POM121C: variants seen among roughly 807,000 people sequenced by gnomAD.
The protein encoded by POM121C is POM121 transmembrane nucleoporin C.
POM121C carries 20 observed loss-of-function variants against 66.4 expected under a neutral mutation model. The observed-to-expected ratio is 0.30, with a 90% CI of 0.21 to 0.44. The LOEUF (loss-of-function observed/expected upper bound fraction) is 0.44. Among genes scored for constraint, POM121C ranks in the 20% least tolerant of loss-of-function variants. The pLI is 1.00. For synonymous variants in POM121C, 286 were observed against 528.0 expected (o/e 0.54, Z 6.28); for missense variants, 580 against 1,225.7 (o/e 0.47, Z 7.87).
chr7:75,426,576 TG>T (rs1172841184), intron 7 of POM121C, 123 bp from the exon 8 acceptor site: 1 of 98,702 alleles, frequency 1.0e-5, no homozygotes, highest in Non-Finnish European at 1.9e-5. Context: ...TAGTCATGCC[TG>T]TAATCCCAGC....
At chr7:75,420,221 A>G (rs1789640743) in intron 13 of POM121C, 1 of 149,456 alleles carries the variant, frequency 6.7e-6, no homozygotes, top group Non-Finnish European at 1.5e-5. Flanking sequence ...TGCCACCCCC[A>G]TGACCTCCTC....
At chr7:75,441,315 C>G (rs1447639744) in intron 4 of POM121C, 117 bp downstream of exon 4, 1 of 1,392,490 alleles carries the variant, frequency 7.2e-7, no homozygotes, top group African/African-American at 1.5e-5. Flanking sequence ...ATTTCTCATT[C>G]AAACAAGCAG....
chr7:75,460,145 T>C lies in POM121C; in HGVS notation c.-152+14559A>G, dbSNP rs1479093092. The stretch of plus-strand genomic sequence containing the variant: ...TAATAAAAACCCGTCCAAAATTAAA[T>C]ATAAATCTTCTAAACACAGCAATCA... On this transcript the variant is annotated intron_variant, in intron 3 of 14. Coordinates refer to ENST00000615331, the MANE Select transcript of POM121C (RefSeq NM_001099415.3). 3.5e-5 allele frequency among the ~76,000 whole-genome samples: 5 copies of C among 144,814 alleles called. No homozygotes were observed. The East Asian group carries it at 1.0e-3, about 29-fold the overall frequency.
chr7:75,482,046 C>T (rs1367655730), intron 1 of POM121C, among the ~76,000 whole-genome samples: 1 of 151,694 alleles, frequency 6.6e-6, no homozygotes, highest in Admixed American at 6.6e-5. Flanking sequence ...GAACATAAAC[C>T]TGATTAGACT....
intron 7 of POM121C, among the ~76,000 whole-genome samples, chr7:75,433,604 C>T (rs587767827): frequency 1.3e-5 from 2 of 152,226 alleles, no homozygotes; most frequent in South Asian, 4.1e-4. Flanking sequence ...GGTGATCTGC[C>T]CACCTCAGTC....
At chr7:75,429,525 G>C (rs1320989040) in intron 7 of POM121C, among the ~76,000 whole-genome samples, 1 of 152,192 alleles carries the variant, frequency 6.6e-6, no homozygotes, top group African/African-American at 2.4e-5. Flanking sequence ...CGGCTACTTG[G>C]AACGCTGAGG....
intron 3 of POM121C, among the ~76,000 whole-genome samples, chr7:75,462,646 C>CAAA (rs1791484035): frequency 6.6e-6 from 1 of 151,976 alleles, no homozygotes. Flanking sequence ...CTGAGGGCTG[C>CAAA]CAAAAGAACT....
intron 3 of POM121C, among the ~76,000 whole-genome samples, chr7:75,462,490 A>G (rs1297095142): frequency 6.6e-6 from 1 of 151,896 alleles, no homozygotes; most frequent in African/African-American, 2.4e-5. Flanking sequence ...AAACTGGGTT[A>G]TTTTACTTGC....
chr7:75,473,700 T>C (rs1791959277), intron 3 of POM121C, among the ~76,000 whole-genome samples: 1 of 151,890 alleles, frequency 6.6e-6, no homozygotes, highest in African/African-American at 2.4e-5. Context: ...GTTTTTTTGT[T>C]TTTTTTGAGA....
At position 75,482,342 on chromosome 7, in the gene POM121C, A is replaced by G. The variant is rs375168511; in HGVS notation, c.-458+3522T>C. ...TGTAATCCTACCACTTTGGGAGGCTAAAGTGAAAGGACTGCTTGAGGCCAG... is the reference window on the plus strand; with the variant it reads ...TGTAATCCTACCACTTTGGGAGGCTGAAGTGAAAGGACTGCTTGAGGCCAG... On this transcript the variant is annotated intron_variant, in intron 1 of 14. Transcript: ENST00000615331. 2.6e-5 allele frequency among the ~76,000 whole-genome samples: 4 copies of G among 152,318 alleles called. No homozygotes were observed. The South Asian group carries it at 8.3e-4, about 32-fold the overall frequency.
chr7:75,439,353 G>T, intron 5 of POM121C, 129 bp from the exon 6 acceptor site: 1 of 1,352,722 alleles, frequency 7.4e-7, no homozygotes, highest in Non-Finnish European at 1.0e-6. Flanking sequence ...ACCAGAAAAT[G>T]GTTGTTTAAA....
chr7:75,463,180 C>T lies in POM121C; in HGVS notation c.-152+11524G>A, dbSNP rs587656482. Among the ~76,000 whole-genome samples the T allele has an allele frequency of 3.3e-4, 50 of 152,112 alleles. 1 individual carries two copies. In the South Asian group the frequency reaches 8.7e-3, roughly 26 times the overall value. On this transcript the variant is annotated intron_variant, in intron 3 of 14. Transcript: ENST00000615331. ...TCTACTAAAAAATACAAAAGTAAGC[C>T]GGGTGTGGTGGAAAATTAGCCAGGT...
At chr7:75,436,755 G>C (rs782395764) in intron 7 of POM121C, among the ~76,000 whole-genome samples, 1 of 152,060 alleles carries the variant, frequency 6.6e-6, no homozygotes, top group Non-Finnish European at 1.5e-5. Context: ...GTCTGCCCAA[G>C]ACCTTATAGC....
rs1273959098 is a variant in POM121C at position 75,441,996 on chromosome 7, G to A, written c.-151-349C>T. Reference sequence around the variant, plus strand: ...AAGCAAGAGTCAGAGGCCAGGAGACGGCTGGCACACACCAAGGTGTTAAGG... The same window carrying A: ...AAGCAAGAGTCAGAGGCCAGGAGACAGCTGGCACACACCAAGGTGTTAAGG... On this transcript the variant is annotated intron_variant, in intron 3 of 14. Coordinates refer to ENST00000615331, the MANE Select transcript of POM121C (RefSeq NM_001099415.3). 1.4e-5 allele frequency: 8 copies of A among 568,540 alleles called. No homozygotes were observed. In the Admixed American group the frequency reaches 2.4e-4, roughly 17 times the overall value. 35.2% of individuals were successfully genotyped at this position (568,540 alleles called of 1,614,324 possible). A position where few individuals can be genotyped will look rare whatever the true frequency, so the allele number is the denominator to read the frequency against.
intron 5 of POM121C, among the ~76,000 whole-genome samples, chr7:75,439,560 A>AT: frequency 6.6e-6 from 1 of 151,980 alleles, no homozygotes; most frequent in South Asian, 2.1e-4. Context: ...TAATTTCTTA[A>AT]TTTTTTGTAC....
chr7:75,449,216 G>GA (rs1184290531), intron 3 of POM121C, among the ~76,000 whole-genome samples: 10 of 150,652 alleles, frequency 6.6e-5, no homozygotes, highest in Non-Finnish European at 1.3e-4. Flanking sequence ...GCTACTGAGG[G>GA]AATGATGTAG....
At position 75,485,489 on chromosome 7, in the gene POM121C, A is replaced by G. The variant is rs1162337277; in HGVS notation, c.-458+375T>C. Reference sequence around the variant, plus strand: ...TGCAGACTGTTCCTGCATTACTACGATTCTCCCAGGGCAGGTCTAAGGGGG... The same window carrying G: ...TGCAGACTGTTCCTGCATTACTACGGTTCTCCCAGGGCAGGTCTAAGGGGG... On this transcript the variant is annotated intron_variant, in intron 1 of 14. Transcript: ENST00000615331. Among the ~76,000 whole-genome samples the G allele has an allele frequency of 1.1e-4, 16 of 151,982 alleles. No homozygotes were observed. In the South Asian group the frequency reaches 3.1e-3, roughly 30 times the overall value.
intron 3 of POM121C, among the ~76,000 whole-genome samples, chr7:75,473,434 C>A (rs1791945649): frequency 1.3e-5 from 2 of 151,752 alleles, no homozygotes; most frequent in South Asian, 4.2e-4. Context: ...GAGCATGATT[C>A]CAGTTATGGG....
intron 7 of POM121C, among the ~76,000 whole-genome samples, chr7:75,436,172 T>A (rs1369317812): frequency 1.3e-5 from 2 of 152,230 alleles, no homozygotes; most frequent in African/African-American, 4.8e-5. Context: ...ACCATAAATT[T>A]GAATTTGGAA....
Sources: gnomAD v4.1 joint callset for allele counts (sites outside exome capture counted in the v4.1 genomes callset) on GRCh38, gnomAD v4.1.1 for gene constraint, MANE v1.5 for transcripts, NCBI Gene and HGNC (gene_info 2026-07-23, HGNC 2026-07-21) for gene names.